Variants in NPLOC4 observed in about 807,000 individuals in gnomAD.
NPLOC4 encodes the protein NPL4 homolog, ubiquitin recognition factor.
A neutral mutation model predicts 80.6 loss-of-function variants in NPLOC4; 18 were observed. The observed-to-expected ratio is 0.22, with a 90% CI of 0.15 to 0.33. The LOEUF is 0.33. Ranked by LOEUF, NPLOC4 falls within the 10% of genes least tolerant of loss-of-function variation. The pLI is 1.00. For synonymous variants in NPLOC4, 313 were observed against 301.5 expected, an observed-to-expected ratio of 1.04 and a Z score of -0.39; for missense variants, 540 against 786.1, an observed-to-expected ratio of 0.69 and a Z score of 3.74.
At chr17:81,632,880 A>G (rs1035099397) in intron 1 of NPLOC4, among the ~76,000 whole-genome samples, 1 of 152,194 alleles carries the variant, frequency 6.6e-6, no homozygotes. Flanking sequence ...TTCACTTGGC[A>G]GAAAAGGCTC....
At chr17:81,578,453 G>T (rs1448354896) in intron 12 of NPLOC4, among the ~76,000 whole-genome samples, 2 of 152,194 alleles carry the variant, frequency 1.3e-5, no homozygotes, top group Non-Finnish European at 2.9e-5. Context: ...GCTCTCAACA[G>T]ATAAACGGTA....
intron 11 of NPLOC4, among the ~76,000 whole-genome samples, chr17:81,595,539 TTTTTTC>T (rs1202465454): frequency 6.7e-6 from 1 of 149,152 alleles, no homozygotes; most frequent in African/African-American, 2.4e-5. Flanking sequence ...TATATATTTT[TTTTTTC>T]TTTTCTTTTC....
chr17:81,567,944 T>G lies in NPLOC4; in HGVS notation c.1450-411A>C. 1 of 185,328 alleles carries G rather than the reference T, an allele frequency of 5.4e-6. No homozygotes were observed. The highest frequency in any genetic ancestry group is 1.1e-5 in the Non-Finnish European group (1 of 87,264). 11.5% of individuals were successfully genotyped at this position (185,328 alleles called of 1,614,324 possible). On this transcript the variant is annotated intron_variant, in intron 14 of 16. Transcript: ENST00000331134. The surrounding 1 kb of genome is among the most constrained non-coding windows in gnomAD (Gnocchi z 4.5). ...TACAAAAAAAATTACCCAGGCTTGG[T>G]GGCGCGCACCTATAATCCCAGCTAC... is the stretch of plus-strand genomic sequence containing the variant.
At chr17:81,625,031 T>C (rs1423251456) in intron 2 of NPLOC4, among the ~76,000 whole-genome samples, 2 of 151,806 alleles carry the variant, frequency 1.3e-5, no homozygotes, top group Admixed American at 6.6e-5. Context: ...GAGTGCCAAT[T>C]AGAGACAAGA....
At chr17:81,628,011 G>C (rs1368812676) in intron 2 of NPLOC4, among the ~76,000 whole-genome samples, 1 of 151,876 alleles carries the variant, frequency 6.6e-6, no homozygotes, top group Non-Finnish European at 1.5e-5. Flanking sequence ...AGGAGATGAA[G>C]ACCATCCTGG....
At position 81,609,452 on chromosome 17, in the gene NPLOC4, G is replaced by A. The variant is rs947479422; in HGVS notation, c.436-630C>T. 5.9e-5 allele frequency among the ~76,000 whole-genome samples: 9 copies of A among 152,064 alleles called. No individual in the cohort carries two copies. In the East Asian group the frequency reaches 7.7e-4, roughly 13 times the overall value. On this transcript the variant is annotated intron_variant, in intron 5 of 16. Transcript: ENST00000331134. ...TTCCTGAGTAGCTGGGACTACAGGC[G>A]TGAACCACCACACCCAGCTAATTTT...
intron 1 of NPLOC4, among the ~76,000 whole-genome samples, chr17:81,633,611 T>C (rs1233531586): frequency 1.3e-5 from 2 of 152,218 alleles, no homozygotes; most frequent in Non-Finnish European, 2.9e-5. Flanking sequence ...ACACAGCCTC[T>C]TGGTAACTTA....
intron 12 of NPLOC4, among the ~76,000 whole-genome samples, chr17:81,585,145 G>A (rs2034539690): frequency 7.6e-6 from 1 of 131,938 alleles, no homozygotes; most frequent in Non-Finnish European, 1.5e-5. Context: ...ACTCCAGCCT[G>A]GGCGACAGAA....
At chr17:81,565,103 TCTC>T (rs1481549856) in intron 16 of NPLOC4, 7 of 583,812 alleles carry the variant, frequency 1.2e-5, no homozygotes, top group African/African-American at 9.3e-5. Context: ...GCTGCAGGCT[TCTC>T]CTCCTTACAG....
At chr17:81,582,288 C>T (rs888313445) in intron 12 of NPLOC4, among the ~76,000 whole-genome samples, 2 of 152,232 alleles carry the variant, frequency 1.3e-5, no homozygotes, top group African/African-American at 4.8e-5. Context: ...CTGCACGTCA[C>T]ATCCGTACCA....
At position 81,580,245 on chromosome 17, in the gene NPLOC4, C is replaced by G. The variant is rs1211017256; in HGVS notation, c.1282-8157G>C. ...GCGCTCACCCCGGGTGGTGCCTCTG[C>G]ACTAGCACATCGCCGACAGATCCCC... On this transcript the variant is annotated intron_variant, in intron 12 of 16. Coordinates refer to ENST00000331134, the MANE Select transcript of NPLOC4 (RefSeq NM_017921.4). This position sits in a 1 kb window ranked among gnomAD's most constrained non-coding sequence, Gnocchi z 4.4. 2.0e-5 allele frequency among the ~76,000 whole-genome samples: 3 copies of G among 152,202 alleles called. No homozygotes were observed. Among genetic ancestry groups the G allele is most frequent in the Non-Finnish European group, 4.4e-5 (3 of 68,034 alleles).
In NPLOC4 at chr17:81,619,301, C is replaced by G. The variant is rs80106978; in HGVS notation, c.209+2865G>C. Among the ~76,000 whole-genome samples the G allele has an allele frequency of 3.3e-5, 5 of 151,806 alleles. No individual in the cohort carries two copies. In the East Asian group the frequency reaches 9.7e-4, roughly 29 times the overall value. ...CTGAGGCAGGAGAATGGCATGAACC[C>G]GGGAGGTGGAGCTTGCAGTGAGCTG... On this transcript the variant is annotated intron_variant, in intron 3 of 16. Transcript: ENST00000331134.
intron 12 of NPLOC4, among the ~76,000 whole-genome samples, chr17:81,576,116 C>A (rs113493245): frequency 1.3e-5 from 2 of 152,320 alleles, no homozygotes; most frequent in African/African-American, 4.8e-5. Flanking sequence ...GACACAGATA[C>A]CTTGTTTTAC....
chr17:81,589,120 C>T lies in NPLOC4; in HGVS notation c.1121-16G>A, dbSNP rs1184145859. On this transcript the variant is annotated splice_polypyrimidine_tract_variant and intron_variant, in intron 11 of 16. Transcript: ENST00000331134. ...TCAGGACCACCTGCAAGAGAGAGAC[C>T]TTTAAAAAGAGTCTACCAAACGGCA... The T allele has an allele frequency of 6.2e-7, 1 of 1,606,122 alleles. No individual in the cohort carries two copies. The highest frequency in any genetic ancestry group is 1.7e-5 in the Admixed American group (1 of 58,784).
intron 7 of NPLOC4, among the ~76,000 whole-genome samples, chr17:81,606,439 AG>A (rs887783972): frequency 1.3e-5 from 2 of 152,182 alleles, no homozygotes; most frequent in African/African-American, 4.8e-5. Context: ...AATAATCATC[AG>A]GAACATTCTG....
chr17:81,582,033 A>G (rs1024894196), intron 12 of NPLOC4, among the ~76,000 whole-genome samples: 2 of 152,182 alleles, frequency 1.3e-5, no homozygotes, highest in African/African-American at 2.4e-5. Context: ...GAACATGAGG[A>G]GGGCTCCTCT....
rs1363943958 is a variant in NPLOC4 at position 81,596,240 on chromosome 17, G to A, written c.996C>T (p.Asp332=). 10 of 1,609,304 alleles carry A rather than the reference G, an allele frequency of 6.2e-6. No homozygotes were observed. Among genetic ancestry groups the A allele is most frequent in the Non-Finnish European group, 8.5e-6 (10 of 1,177,310 alleles). The change falls in exon 11 of 17, where the codon GAC becomes GAT. Residue 332 remains aspartate, a splice_region_variant and synonymous_variant. Coordinates refer to ENST00000331134, the MANE Select transcript of NPLOC4 (RefSeq NM_017921.4). ...KGTVRYSRNK[D]TYFLSSEECI... ...ACTCTTCTGAACTTAGGAAATAGGTGTCCTAAGACAAGAGAAGCAGCCTAT... is the reference window on the plus strand; with the variant it reads ...ACTCTTCTGAACTTAGGAAATAGGTATCCTAAGACAAGAGAAGCAGCCTAT...
rs543126722 is a variant in NPLOC4, at chr17:81,600,321, G to A, written c.921+20C>T. On this transcript the variant is annotated intron_variant, in intron 9 of 16. Coordinates refer to ENST00000331134, the MANE Select transcript of NPLOC4 (RefSeq NM_017921.4). ...AGAGCCTGGCCACGCCCCCTGCTTG[G>A]CTGCCGGATGCCTCAGTACCTTCCG... 5.4e-5 allele frequency: 86 copies of A among 1,591,906 alleles called. 1 individual carries two copies. The South Asian group carries it at 8.4e-4, about 15-fold the overall frequency.
intron 3 of NPLOC4, among the ~76,000 whole-genome samples, chr17:81,614,784 C>T (rs2035435691): frequency 6.6e-6 from 1 of 152,168 alleles, no homozygotes. Context: ...CGCCTGGGGT[C>T]CCAAGTGACC....
Sources: gnomAD v4.1 joint callset for allele counts (sites outside exome capture counted in the v4.1 genomes callset) on GRCh38, gnomAD v4.1.1 for gene constraint, Gnocchi (gnomAD v3.1) non-coding constraint, MANE v1.5 for transcripts, NCBI Gene and HGNC (gene_info 2026-07-23, HGNC 2026-07-21) for gene names.